UBE2V2: variants seen among roughly 807,000 people sequenced by gnomAD.
UBE2V2 encodes ubiquitin conjugating enzyme E2 V2.
Under a neutral mutation model 17.2 loss-of-function variants are expected in UBE2V2, and 9 were observed. That is an observed-to-expected ratio of 0.52 (90% CI 0.32 to 0.91). The LOEUF (loss-of-function observed/expected upper bound fraction) is 0.91, where lower values mean the gene tolerates loss of function less well. Ranked by LOEUF, UBE2V2 falls within the 40% of genes least tolerant of loss-of-function variation. The pLI, the probability that UBE2V2 is intolerant of heterozygous loss-of-function variation, is 0.04. For missense variants in UBE2V2, 133 were observed against 182.6 expected (o/e 0.73, Z 1.56); for synonymous variants, 61 against 57.5 (o/e 1.06, Z -0.28).
the UBE2V2 span, among the ~76,000 whole-genome samples, chr8:47,998,701 TGA>T: frequency 1.5e-5 from 2 of 137,718 alleles, no homozygotes; most frequent in African/African-American, 2.7e-5. Flanking sequence ...AAAGAGAGAG[TGA>T]GAGAGAGAGA....
chr8:48,021,588 G>C (rs1563850593), intron 1 of UBE2V2, among the ~76,000 whole-genome samples: 1 of 152,078 alleles, frequency 6.6e-6, no homozygotes, highest in Admixed American at 6.6e-5. Flanking sequence ...TTACAAGCGT[G>C]AGCCACTGCG....
chr8:48,019,833 G>A lies in UBE2V2; in HGVS notation c.16+11363G>A, dbSNP rs1416845382. On this transcript the variant is annotated intron_variant, in intron 1 of 3. Coordinates refer to ENST00000523111, the MANE Select transcript of UBE2V2 (RefSeq NM_003350.3). Reference sequence around the variant, plus strand: ...CCGTTTCAAAAAAAAAAATTAGCCAGGCATGGTGCCATATGCCTATAATTC... The same window carrying A: ...CCGTTTCAAAAAAAAAAATTAGCCAAGCATGGTGCCATATGCCTATAATTC... Among the ~76,000 whole-genome samples, 3 of 151,846 alleles carry A rather than the reference G, an allele frequency of 2.0e-5. No homozygotes were observed. In the East Asian group the frequency reaches 5.8e-4, roughly 30 times the overall value.
At chr8:48,002,365 AAC>A in the UBE2V2 span, among the ~76,000 whole-genome samples, 1 of 152,236 alleles carries the variant, frequency 6.6e-6, no homozygotes, top group Non-Finnish European at 1.5e-5. Flanking sequence ...AAAAGAAAGA[AAC>A]AGTCATTTGT....
upstream of UBE2V2, among the ~76,000 whole-genome samples, chr8:48,006,080 T>C (rs938703448): frequency 3.9e-5 from 6 of 152,248 alleles, no homozygotes; most frequent in Admixed American, 1.3e-4. Flanking sequence ...AGTCATGAAG[T>C]CTTTGCCCAT....
In UBE2V2 at chr8:48,060,726, A is replaced by T. The variant is rs962509495; in HGVS notation, c.336A>T (p.Ser112=). The change falls in exon 4 of 4, where the codon TCA becomes TCT. Residue 112 remains serine (S), a synonymous_variant. Transcript: ENST00000523111. ...CAGTGTTAGCAAAATGGCAAAATTC[A>T]TATAGCATTAAAGTTGTACTTCAAG... ...SIPVLAKWQN[S]YSIKVVLQEL... 4 of 1,543,756 alleles carry T rather than the reference A, an allele frequency of 2.6e-6. No homozygotes were observed. In the African/African-American group the frequency reaches 4.2e-5, roughly 16 times the overall value.
At chr8:48,014,911 G>T (rs770561356) in intron 1 of UBE2V2, among the ~76,000 whole-genome samples, 2 of 151,504 alleles carry the variant, frequency 1.3e-5, no homozygotes, top group Non-Finnish European at 2.9e-5. Context: ...CTAGCCGGGC[G>T]TGGTGACAGG....
At chr8:48,042,461 G>A (rs1043317673) in intron 1 of UBE2V2, 1 of 151,696 alleles carries the variant, frequency 6.6e-6, no homozygotes, top group Non-Finnish European at 1.5e-5. Flanking sequence ...TGCTTTAGAA[G>A]TCCATGGTCT....
At chr8:48,058,291 A>G (rs2091586205) in intron 3 of UBE2V2, among the ~76,000 whole-genome samples, 1 of 152,038 alleles carries the variant, frequency 6.6e-6, no homozygotes, top group Non-Finnish European at 1.5e-5. Context: ...ACATAGTGAA[A>G]CCCTGTGTCT....
At chr8:48,051,093 CA>C (rs2091533591) in intron 3 of UBE2V2, among the ~76,000 whole-genome samples, 1 of 152,138 alleles carries the variant, frequency 6.6e-6, no homozygotes, top group Non-Finnish European at 1.5e-5. Flanking sequence ...GTGATCTGCC[CA>C]CCTTGGCCTC....
At chr8:48,019,821 A>G (rs1301215584) in intron 1 of UBE2V2, among the ~76,000 whole-genome samples, 1 of 152,106 alleles carries the variant, frequency 6.6e-6, no homozygotes, top group African/African-American at 2.4e-5. Flanking sequence ...TTTCAAAAAA[A>G]AAAATTAGCC....
upstream of UBE2V2, among the ~76,000 whole-genome samples, chr8:48,006,038 T>C (rs1313532874): frequency 2.0e-5 from 3 of 152,264 alleles, no homozygotes; most frequent in Non-Finnish European, 2.9e-5. Context: ...TTTGTCAATT[T>C]TGGCTTTTGT....
intron 1 of UBE2V2, among the ~76,000 whole-genome samples, chr8:48,033,134 A>G (rs537017631): frequency 6.6e-6 from 1 of 152,238 alleles, no homozygotes; most frequent in Admixed American, 6.5e-5. Flanking sequence ...GTGTCCTCAG[A>G]TATTCTAACA....
chr8:48,018,197 A>G (rs2091283069), intron 1 of UBE2V2, among the ~76,000 whole-genome samples: 1 of 152,190 alleles, frequency 6.6e-6, no homozygotes, highest in Non-Finnish European at 1.5e-5. Flanking sequence ...AGAAAGAGCA[A>G]TAAGACAAGA....
the UBE2V2 span, among the ~76,000 whole-genome samples, chr8:47,999,451 G>C: frequency 6.6e-6 from 1 of 151,880 alleles, no homozygotes; most frequent in African/African-American, 2.4e-5. Context: ...CTGCCTCCCA[G>C]GTTCAAGTGA....
At chr8:48,000,228 G>A in the UBE2V2 span, among the ~76,000 whole-genome samples, 4 of 152,168 alleles carry the variant, frequency 2.6e-5, no homozygotes, top group Non-Finnish European at 5.9e-5. Context: ...AACTCATTGT[G>A]CAACCCTTGC....
chr8:48,047,643 C>T (rs1252801264), intron 2 of UBE2V2, among the ~76,000 whole-genome samples: 3 of 151,780 alleles, frequency 2.0e-5, no homozygotes, highest in Non-Finnish European at 4.4e-5. Context: ...CTGCAGTTGC[C>T]ACCTCCCGAG....
At position 48,043,977 on chromosome 8, in the gene UBE2V2, A is replaced by T. The variant is rs115969204; in HGVS notation, c.165+796A>T. On this transcript the variant is annotated intron_variant, in intron 2 of 3. Transcript: ENST00000523111. Reference sequence around the variant, plus strand: ...CTTACTTAATGGTCCCATCCACTGCACTCCCTGCAGTGAATCTTTGAAATT... The same window carrying T: ...CTTACTTAATGGTCCCATCCACTGCTCTCCCTGCAGTGAATCTTTGAAATT... Among the ~76,000 whole-genome samples the T allele has an allele frequency of 1.8e-3, 258 of 143,282 alleles. 1 individual carries two copies. Among genetic ancestry groups the T allele is most frequent in the African/African-American group, 6.2e-3 (240 of 38,472 alleles). 94.0% of individuals were successfully genotyped at this position (143,282 alleles called of 152,430 possible). A position where few individuals can be genotyped will look rare whatever the true frequency, so the allele number is the denominator to read the frequency against.
intron 1 of UBE2V2, among the ~76,000 whole-genome samples, chr8:48,021,586 G>A (rs948397715): frequency 3.3e-5 from 5 of 152,022 alleles, no homozygotes; most frequent in Admixed American, 6.6e-5. Flanking sequence ...GATTACAAGC[G>A]TGAGCCACTG....
At chr8:48,001,893 C>T in the UBE2V2 span, among the ~76,000 whole-genome samples, 1 of 152,044 alleles carries the variant, frequency 6.6e-6, no homozygotes, top group East Asian at 1.9e-4. Flanking sequence ...AGTTTGAGAC[C>T]AGCCTGACCA....
Sources: allele counts gnomAD v4.1 joint callset (sites outside exome capture counted in the v4.1 genomes callset), GRCh38; gene constraint gnomAD v4.1.1; transcripts MANE v1.5; gene names NCBI Gene and HGNC (gene_info 2026-07-23, HGNC 2026-07-21).